CNTN1: variants seen among roughly 807,000 people sequenced by gnomAD.
CNTN1 encodes contactin-1.
In CNTN1, 38 loss-of-function variants were observed where a neutral mutation model predicts 126.4. That is an observed-to-expected ratio of 0.30 (90% CI 0.23 to 0.39). CNTN1 has a LOEUF of 0.39. Among genes scored for constraint, CNTN1 ranks in the 10% least tolerant of loss-of-function variants. The pLI, the probability that CNTN1 is intolerant of heterozygous loss-of-function variation, is 1.00. For missense variants in CNTN1, 1,009 were observed against 1,248.4 expected (o/e 0.81, Z 2.89); for synonymous variants, 413 against 422.6 (o/e 0.98, Z 0.28).
chr12:40,813,600 G>T (rs968542962), intron 1 of CNTN1, among the ~76,000 whole-genome samples: 11 of 152,072 alleles, frequency 7.2e-5, no homozygotes, highest in African/African-American at 2.7e-4. Context: ...ATCATTGGTG[G>T]GCATTTGGGT....
intron 1 of CNTN1, among the ~76,000 whole-genome samples, chr12:40,732,015 G>C (rs1942512116): frequency 6.6e-6 from 1 of 151,968 alleles, no homozygotes; most frequent in African/African-American, 2.4e-5. Flanking sequence ...TCTTGGTGCA[G>C]AAGGAAATCT....
chr12:40,762,479 A>G (rs1310792089), intron 1 of CNTN1, among the ~76,000 whole-genome samples: 1 of 152,250 alleles, frequency 6.6e-6, no homozygotes, highest in African/African-American at 2.4e-5. Flanking sequence ...CTTATCCAAA[A>G]TAACAGTATA....
At chr12:40,949,191 T>A (rs1384095386) in intron 14 of CNTN1, among the ~76,000 whole-genome samples, 1 of 114,116 alleles carries the variant, frequency 8.8e-6, no homozygotes, top group South Asian at 2.7e-4. Context: ...AAAACAGAAG[T>A]CAATTTGTTT....
intron 1 of CNTN1, among the ~76,000 whole-genome samples, chr12:40,780,933 A>G (rs911533536): frequency 6.8e-6 from 1 of 147,268 alleles, no homozygotes; most frequent in Non-Finnish European, 1.5e-5. Flanking sequence ...TTTTTTTTTA[A>G]TTTCTAAGGG....
At chr12:40,709,685 AC>A (rs1307728026) in intron 1 of CNTN1, among the ~76,000 whole-genome samples, 2 of 152,188 alleles carry the variant, frequency 1.3e-5, no homozygotes, top group South Asian at 2.1e-4. Flanking sequence ...TTACATCACC[AC>A]ATCCTGCTTC....
At chr12:40,767,057 G>T (rs1450097950) in intron 1 of CNTN1, among the ~76,000 whole-genome samples, 1 of 152,032 alleles carries the variant, frequency 6.6e-6, no homozygotes, top group Non-Finnish European at 1.5e-5. Context: ...AGAATCATGG[G>T]TTAATAATAA....
intron 16 of CNTN1, among the ~76,000 whole-genome samples, chr12:40,987,484 G>C (rs1023026274): frequency 3.3e-5 from 5 of 152,114 alleles, no homozygotes; most frequent in African/African-American, 1.2e-4. Flanking sequence ...GTTTTCAGCG[G>C]ACAAATGATA....
At chr12:40,857,363 C>A (rs569501111) in intron 1 of CNTN1, among the ~76,000 whole-genome samples, 2 of 152,192 alleles carry the variant, frequency 1.3e-5, no homozygotes, top group African/African-American at 4.8e-5. Flanking sequence ...GCAGGTAATA[C>A]CTCTTTTAGT....
intron 1 of CNTN1, among the ~76,000 whole-genome samples, chr12:40,695,185 C>G (rs892286018): frequency 6.6e-6 from 1 of 152,152 alleles, no homozygotes; most frequent in Non-Finnish European, 1.5e-5. Context: ...GAACACAGTC[C>G]TATAATAAGT....
At position 40,993,274 on chromosome 12, in the gene CNTN1, G is replaced by A. The variant is rs1948135666; in HGVS notation, c.2113+5G>A. 1.2e-6 allele frequency: 2 copies of A among 1,612,470 alleles called. No individual in the cohort carries two copies. On this transcript the variant is annotated splice_donor_5th_base_variant and intron_variant, in intron 17 of 23. Transcript: ENST00000551295. The stretch of plus-strand genomic sequence containing the variant: ...GAATTAAAACAGACGGTGCTGGTAT[G>A]TATATACAAGAAACTTGAAATTTTA...
chr12:40,715,491 T>G (rs922084928), intron 1 of CNTN1, among the ~76,000 whole-genome samples: 4 of 152,198 alleles, frequency 2.6e-5, no homozygotes, highest in African/African-American at 9.6e-5. Context: ...AGTAACCGCA[T>G]GAACTTTTGC....
At chr12:41,025,928 T>C (rs10879545) in intron 21 of CNTN1, among the ~76,000 whole-genome samples, 36,329 of 152,070 alleles carry the variant, frequency 0.24, 4,452 homozygotes, top group Middle Eastern at 0.29. Flanking sequence ...AGAATTTTTA[T>C]GTAGGACTCT....
At chr12:40,716,231 T>TCTCTCC (rs1942043586) in intron 1 of CNTN1, among the ~76,000 whole-genome samples, 1 of 151,700 alleles carries the variant, frequency 6.6e-6, no homozygotes, top group Non-Finnish European at 1.5e-5. Context: ...TCTCTCTCTC[T>TCTCTCC]GTGTCTCTCT....
intron 23 of CNTN1, among the ~76,000 whole-genome samples, chr12:41,056,417 T>C (rs868611893): frequency 1.3e-5 from 2 of 152,110 alleles, no homozygotes; most frequent in Non-Finnish European, 2.9e-5. Context: ...CTGTATACTA[T>C]GTTAGGATGG....
intron 1 of CNTN1, among the ~76,000 whole-genome samples, chr12:40,887,418 C>G (rs972081306): frequency 1.3e-5 from 2 of 152,132 alleles, no homozygotes; most frequent in Non-Finnish European, 2.9e-5. Context: ...AAAAAATGCT[C>G]GTCGTCACTG....
chr12:40,886,454 A>G (rs75848082), intron 1 of CNTN1, among the ~76,000 whole-genome samples: 14,942 of 152,204 alleles, frequency 0.098, 861 homozygotes, highest in Non-Finnish European at 0.13. Context: ...TTTATCGTAG[A>G]TTCTGGATAT....
intron 23 of CNTN1, among the ~76,000 whole-genome samples, chr12:41,039,193 A>C (rs185171629): frequency 6.8e-4 from 104 of 152,278 alleles, no homozygotes; most frequent in African/African-American, 2.5e-3. Flanking sequence ...AGAGCATCTC[A>C]ACCACTCTTT....
At chr12:40,872,207 T>A (rs1943522114) in intron 1 of CNTN1, among the ~76,000 whole-genome samples, 1 of 82,420 alleles carries the variant, frequency 1.2e-5, no homozygotes, top group African/African-American at 6.3e-5. Context: ...TTTCCGTTGC[T>A]TTGTTTGTGT....
At chr12:40,969,667 T>A (rs1037166300) in intron 15 of CNTN1, among the ~76,000 whole-genome samples, 1 of 152,152 alleles carries the variant, frequency 6.6e-6, no homozygotes, top group African/African-American at 2.4e-5. Flanking sequence ...ACAGTGATGA[T>A]CATTGTGTGG....
Sources: allele counts gnomAD v4.1 joint callset (sites outside exome capture counted in the v4.1 genomes callset), GRCh38; gene constraint gnomAD v4.1.1; transcripts MANE v1.5; gene names NCBI Gene and HGNC (gene_info 2026-07-23, HGNC 2026-07-21).